CACNA1A: variants seen among roughly 807,000 people sequenced by gnomAD.
CACNA1A encodes the protein voltage-dependent P/Q-type calcium channel subunit alpha-1A.
A neutral mutation model predicts 262.4 loss-of-function variants in CACNA1A; 57 were observed. The observed-to-expected ratio is 0.22, with a 90% CI of 0.18 to 0.27. CACNA1A has a LOEUF of 0.27. CACNA1A is among the 10% of genes least tolerant of loss of function. The pLI is 1.00. For synonymous variants in CACNA1A, 1,431 were observed against 1,419.3 expected (o/e 1.01, Z -0.18); for missense variants, 2,526 against 3,562.8 (o/e 0.71, Z 7.41).
rs1473466990 is a variant in CACNA1A at position 13,214,807 on chromosome 19, G to A, written c.5732-199C>T. 1.7e-6 allele frequency: 1 copy of A among 595,180 alleles called. No homozygotes were observed. The highest frequency in any genetic ancestry group is 1.9e-5 in the African/African-American group (1 of 53,758). 36.9% of individuals were successfully genotyped at this position (595,180 alleles called of 1,614,324 possible). Reference sequence around the variant, plus strand: ...ATGACCTTGTGGGCTCTGGTTTTCGGTGGGGCCAGGACCATGGAGCAGCTG... The same window carrying A: ...ATGACCTTGTGGGCTCTGGTTTTCGATGGGGCCAGGACCATGGAGCAGCTG... On this transcript the variant is annotated intron_variant, in intron 38 of 46. Coordinates refer to ENST00000360228, the MANE Select transcript of CACNA1A (RefSeq NM_001127222.2). This position sits in a 1 kb window ranked among gnomAD's most constrained non-coding sequence, Gnocchi z 4.1.
At chr19:13,310,719 T>TACAGC (rs1209550068) in intron 12 of CACNA1A, among the ~76,000 whole-genome samples, 1 of 151,304 alleles carries the variant, frequency 6.6e-6, no homozygotes, top group Non-Finnish European at 1.5e-5. Context: ...TTATCTGTTC[T>TACAGC]ACAGCAAAGG....
At chr19:13,296,767 T>C (rs949613942) in intron 19 of CACNA1A, among the ~76,000 whole-genome samples, 3 of 152,160 alleles carry the variant, frequency 2.0e-5, no homozygotes, top group Non-Finnish European at 4.4e-5. Context: ...TTATTTTTTA[T>C]TTTATTTTTT....
chr19:13,300,042 T>C (rs1229964841), intron 18 of CACNA1A, among the ~76,000 whole-genome samples: 1 of 152,160 alleles, frequency 6.6e-6, no homozygotes, highest in African/African-American at 2.4e-5. Context: ...CGGTAATGCT[T>C]GCTTGCTCAC....
At chr19:13,420,293 CTCTTT>C (rs2060297841) in intron 3 of CACNA1A, among the ~76,000 whole-genome samples, 1 of 151,502 alleles carries the variant, frequency 6.6e-6, no homozygotes, top group Non-Finnish European at 1.5e-5. Context: ...ACTTCATGGT[CTCTTT>C]TCTTAAGTAA....
rs537002249 is a variant in CACNA1A at position 13,403,661 on chromosome 19, T to G, written c.540-31882A>C. ...CCTTTATAAGGAGGGAGGACCTGGGTGCAGTGGCTCATGCCTGTAATCCCA... is the reference window on the plus strand; with the variant it reads ...CCTTTATAAGGAGGGAGGACCTGGGGGCAGTGGCTCATGCCTGTAATCCCA... On this transcript the variant is annotated intron_variant, in intron 3 of 46. Coordinates refer to ENST00000360228, the MANE Select transcript of CACNA1A (RefSeq NM_001127222.2). 1.3e-4 allele frequency among the ~76,000 whole-genome samples: 20 copies of G among 152,136 alleles called. No individual in the cohort carries two copies. The East Asian group carries it at 2.3e-3, about 18-fold the overall frequency.
chr19:13,457,477 C>T (rs2061035020), intron 1 of CACNA1A, among the ~76,000 whole-genome samples: 1 of 152,142 alleles, frequency 6.6e-6, no homozygotes, highest in Non-Finnish European at 1.5e-5. Flanking sequence ...AAGATGGAAA[C>T]AACCTAAATT....
chr19:13,408,197 G>A lies in CACNA1A; in HGVS notation c.540-36418C>T, dbSNP rs547380536. The stretch of plus-strand genomic sequence containing the variant: ...ACACTGGGCAACATGGCAAAACCCC[G>A]TCTCTACAAAAATTACAAGAATTAG... On this transcript the variant is annotated intron_variant, in intron 3 of 46. Transcript: ENST00000360228. 7.9e-5 allele frequency among the ~76,000 whole-genome samples: 12 copies of A among 152,150 alleles called. 1 individual carries two copies. The South Asian group carries it at 2.1e-3, about 26-fold the overall frequency.
chr19:13,478,772 A>G (rs1344789653), intron 1 of CACNA1A, among the ~76,000 whole-genome samples: 1 of 152,252 alleles, frequency 6.6e-6, no homozygotes, highest in Non-Finnish European at 1.5e-5. Context: ...GATGAATGCT[A>G]TTGAGCAACA....
At chr19:13,409,448 G>A (rs547880479) in intron 3 of CACNA1A, among the ~76,000 whole-genome samples, 1 of 152,074 alleles carries the variant, frequency 6.6e-6, no homozygotes, top group Admixed American at 6.6e-5. Flanking sequence ...AATACGCCAG[G>A]CACTTAGCCT....
intron 3 of CACNA1A, among the ~76,000 whole-genome samples, chr19:13,430,443 G>C (rs2060486654): frequency 6.6e-6 from 1 of 152,068 alleles, no homozygotes; most frequent in South Asian, 2.1e-4. Flanking sequence ...CTGAACTCAG[G>C]TATCTGCCCG....
At chr19:13,435,411 C>T (rs1436818600) in intron 3 of CACNA1A, among the ~76,000 whole-genome samples, 1 of 151,874 alleles carries the variant, frequency 6.6e-6, no homozygotes, top group East Asian at 1.9e-4. Flanking sequence ...CAGCCCCAGC[C>T]AAGCATCTCG....
At chr19:13,344,397 G>A (rs2058726343) in intron 6 of CACNA1A, among the ~76,000 whole-genome samples, 1 of 152,124 alleles carries the variant, frequency 6.6e-6, no homozygotes, top group Non-Finnish European at 1.5e-5. Flanking sequence ...TCTGCCTTTA[G>A]GTCTTGGCTT....
In CACNA1A at chr19:13,214,415, G is replaced by C. The variant is rs17846925; in HGVS notation, c.5840-82C>G. ...CTGGGTCCCTGTGTATACCAGCCCA[G>C]GCCAACACTCTCCCCAGGCCTCCCC... is the stretch of plus-strand genomic sequence containing the variant. On this transcript the variant is annotated intron_variant, in intron 39 of 46. Coordinates refer to ENST00000360228, the MANE Select transcript of CACNA1A (RefSeq NM_001127222.2). The surrounding 1 kb of genome is among the most constrained non-coding windows in gnomAD (Gnocchi z 4.1). The C allele has an allele frequency of 0.035, 54,823 of 1,546,384 alleles. 1,278 individuals carry two copies. The highest frequency in any genetic ancestry group is 0.083 in the South Asian group (7,298 of 88,418).
chr19:13,378,461 G>T (rs977500414), intron 3 of CACNA1A, among the ~76,000 whole-genome samples: 2 of 152,048 alleles, frequency 1.3e-5, no homozygotes, highest in African/African-American at 4.8e-5. Context: ...TTCGTGAAAG[G>T]AAGAGTCGAT....
At chr19:13,504,712 C>T (rs779298916) in intron 1 of CACNA1A, among the ~76,000 whole-genome samples, 3 of 152,238 alleles carry the variant, frequency 2.0e-5, no homozygotes, top group Non-Finnish European at 4.4e-5. Context: ...CACATCTGGG[C>T]ATGGCACAGT....
rs191787416 is a variant in CACNA1A at position 13,371,643 on chromosome 19, G to A, written c.631+45C>T. The A allele has an allele frequency of 6.6e-4, 929 of 1,412,382 alleles. 2 individuals are homozygous for A. The African/African-American group carries it at 0.012, about 18-fold the overall frequency. The allele number at this position is 1,412,382 out of a possible 1,614,324, so 87.5% of individuals were successfully genotyped here. A position where few individuals can be genotyped will look rare whatever the true frequency, so the allele number is the denominator to read the frequency against. ...TGCATAGGGGAAACTGAGGGCTCCT[G>A]GGGCCCGTGAGCAAACCCCTTGTCA... On this transcript the variant is annotated intron_variant, in intron 4 of 46. Transcript: ENST00000360228.
At chr19:13,458,039 G>A (rs1223606987) in intron 1 of CACNA1A, among the ~76,000 whole-genome samples, 1 of 152,136 alleles carries the variant, frequency 6.6e-6, no homozygotes, top group Non-Finnish European at 1.5e-5. Flanking sequence ...CTGGGGAATG[G>A]CAAGGGAAAT....
chr19:13,222,884 G>A (rs1312591279), intron 38 of CACNA1A, among the ~76,000 whole-genome samples: 1 of 151,722 alleles, frequency 6.6e-6, no homozygotes, highest in Admixed American at 6.6e-5. Context: ...TGGTAGAGAT[G>A]GGGTTTCACC....
chr19:13,285,339 T>TA, intron 20 of CACNA1A, 133 bp from the exon 21 acceptor site: 1 of 881,146 alleles, frequency 1.1e-6, no homozygotes, highest in African/African-American at 1.7e-5. Flanking sequence ...CCAGGCATCT[T>TA]ATGACATCAC....
Sources: allele counts gnomAD v4.1 joint callset (sites outside exome capture counted in the v4.1 genomes callset), GRCh38; gene constraint gnomAD v4.1.1; non-coding constraint Gnocchi (gnomAD v3.1); transcripts MANE v1.5; gene names NCBI Gene and HGNC (gene_info 2026-07-23, HGNC 2026-07-21).